COL5A2: variants seen among roughly 807,000 people sequenced by gnomAD.
COL5A2 encodes the protein collagen alpha-2(V) chain.
Under a neutral mutation model 208.2 loss-of-function variants are expected in COL5A2, and 23 were observed. The observed-to-expected ratio is 0.11, with a 90% CI of 0.08 to 0.16. The LOEUF is 0.16. Ranked by LOEUF, COL5A2 falls within the 10% of genes least tolerant of loss-of-function variation. The probability of loss-of-function intolerance (pLI) is 1.00; values close to 1 mark genes in which losing one functional copy is unlikely to be tolerated. For synonymous variants in COL5A2, 625 were observed against 628.5 expected (o/e 0.99, Z 0.08); for missense variants, 1,590 against 1,956.4 (o/e 0.81, Z 3.53).
intron 2 of COL5A2, among the ~76,000 whole-genome samples, chr2:189,108,692 C>T (rs1165402897): frequency 6.6e-6 from 1 of 151,796 alleles, no homozygotes; most frequent in Non-Finnish European, 1.5e-5. Context: ...ATTTGTTCTA[C>T]TCAATTGTAT....
chr2:189,266,501 A>G, the COL5A2 span, among the ~76,000 whole-genome samples: 214 of 152,272 alleles, frequency 1.4e-3, 3 homozygotes, highest in Non-Finnish European at 7.2e-4. Flanking sequence ...GCTAAGTGCA[A>G]GAACCCTGAA....
chr2:189,126,851 T>C (rs908003779), intron 1 of COL5A2, among the ~76,000 whole-genome samples: 4 of 152,056 alleles, frequency 2.6e-5, no homozygotes, highest in African/African-American at 7.2e-5. Context: ...GCAGAGACAA[T>C]AGTTTTCCAC....
At chr2:189,236,820 CCACT>C in the COL5A2 span, among the ~76,000 whole-genome samples, 3 of 151,664 alleles carry the variant, frequency 2.0e-5, no homozygotes, top group African/African-American at 7.3e-5. Flanking sequence ...AAATAAACTC[CCACT>C]CACTCTTTTA....
intron 1 of COL5A2, among the ~76,000 whole-genome samples, chr2:189,122,597 T>C (rs1687526844): frequency 6.6e-6 from 1 of 152,222 alleles, no homozygotes; most frequent in Non-Finnish European, 1.5e-5. Flanking sequence ...ACCTGGCAAA[T>C]ACCTGCAACA....
chr2:189,179,827 C>T (rs1046232622), upstream of COL5A2: 1 of 671,462 alleles, frequency 1.5e-6, no homozygotes, highest in African/African-American at 1.8e-5. Flanking sequence ...TTTTCCTGCC[C>T]CTTTTCAGCT....
intron 43 of COL5A2, among the ~76,000 whole-genome samples, chr2:189,050,340 A>C (rs1685758082): frequency 6.6e-6 from 1 of 152,142 alleles, no homozygotes; most frequent in Non-Finnish European, 1.5e-5. Flanking sequence ...CCATATCCTT[A>C]TTTGCCTACT....
At chr2:189,246,946 C>T in the COL5A2 span, among the ~76,000 whole-genome samples, 1 of 152,170 alleles carries the variant, frequency 6.6e-6, no homozygotes, top group Non-Finnish European at 1.5e-5. Context: ...AACACTATTG[C>T]TTCTACCCAA....
chr2:189,194,996 A>G (rs1242123670), intron 1 of COL5A2, among the ~76,000 whole-genome samples: 1 of 152,200 alleles, frequency 6.6e-6, no homozygotes, highest in African/African-American at 2.4e-5. Context: ...AATGAAGTAA[A>G]GGGTATTCAA....
At chr2:189,287,466 AG>A in the COL5A2 span, among the ~76,000 whole-genome samples, 5 of 152,040 alleles carry the variant, frequency 3.3e-5, no homozygotes, top group African/African-American at 1.2e-4. Flanking sequence ...TGAGTGAAAA[AG>A]CCCCTTCTCT....
the COL5A2 span, among the ~76,000 whole-genome samples, chr2:189,235,595 G>A: frequency 6.6e-6 from 1 of 151,684 alleles, no homozygotes; most frequent in African/African-American, 2.4e-5. Flanking sequence ...GCTTCTTTTA[G>A]TCAGCATTAT....
intron 38 of COL5A2, 80 bp from the exon 39 acceptor site, chr2:189,053,098 CAATT>C (rs1310768576): frequency 1.8e-6 from 2 of 1,100,370 alleles, no homozygotes; most frequent in Non-Finnish European, 2.7e-6. Flanking sequence ...ACTAATGTAT[CAATT>C]AATCATATAT....
At chr2:189,147,189 G>A (rs142010542) in intron 1 of COL5A2, among the ~76,000 whole-genome samples, 3 of 152,114 alleles carry the variant, frequency 2.0e-5, no homozygotes, top group Admixed American at 2.0e-4. Context: ...CCAAAATACT[G>A]GATCAAATTG....
chr2:189,059,397 A>C (rs1034816142), intron 31 of COL5A2, among the ~76,000 whole-genome samples: 1 of 151,982 alleles, frequency 6.6e-6, no homozygotes, highest in African/African-American at 2.4e-5. Context: ...TCATGTCTAA[A>C]TTAAAAGTTT....
intron 1 of COL5A2, among the ~76,000 whole-genome samples, chr2:189,191,163 C>CCAAAAAAAAAAAAAA (rs748055610): frequency 6.9e-5 from 5 of 72,316 alleles, no homozygotes; most frequent in East Asian, 6.0e-4. Flanking sequence ...AAAAAACAAA[C>CCAAAAAAAAAAAAAA]AAACAACAAA....
chr2:189,196,810 A>G (rs1689007101), intron 1 of COL5A2, among the ~76,000 whole-genome samples: 1 of 152,126 alleles, frequency 6.6e-6, no homozygotes, highest in Non-Finnish European at 1.5e-5. Context: ...GATGCTAGTG[A>G]CACTGTGGAT....
chr2:189,420,731 G>A, the COL5A2 span, among the ~76,000 whole-genome samples: 6 of 151,924 alleles, frequency 3.9e-5, no homozygotes, highest in African/African-American at 7.3e-5. Flanking sequence ...TACTCCAAAG[G>A]CAGAAAGACT....
At chr2:189,427,841 A>T in the COL5A2 span, among the ~76,000 whole-genome samples, 5 of 152,182 alleles carry the variant, frequency 3.3e-5, no homozygotes, top group Non-Finnish European at 7.3e-5. Flanking sequence ...TCGGAATAGA[A>T]GTAATTACCC....
At position 189,033,893 on chromosome 2, in the gene COL5A2, G is replaced by C; in HGVS notation, c.*177C>G. 1.3e-6 allele frequency: 1 copy of C among 754,496 alleles called. No homozygotes were observed. The highest frequency in any genetic ancestry group is 1.7e-5 in the South Asian group (1 of 60,034). 46.7% of individuals were successfully genotyped at this position (754,496 alleles called of 1,614,324 possible). On this transcript the variant is annotated 3_prime_UTR_variant, in exon 54 of 54. Transcript: ENST00000374866. ...ATCAATTAAAACTTGAGGATTGTAA[G>C]TAAAATAAATATTCTGAAGGATAAG...
the COL5A2 span, among the ~76,000 whole-genome samples, chr2:189,256,387 G>C: frequency 1.3e-5 from 2 of 152,074 alleles, no homozygotes; most frequent in African/African-American, 4.8e-5. Flanking sequence ...ATTACCCAAG[G>C]CTTCTCTTCT....
Sources: allele counts gnomAD v4.1 joint callset (sites outside exome capture counted in the v4.1 genomes callset), GRCh38; gene constraint gnomAD v4.1.1; transcripts MANE v1.5; gene names NCBI Gene and HGNC (gene_info 2026-07-23, HGNC 2026-07-21).